CLVS1: variants seen among roughly 807,000 people sequenced by gnomAD.
CLVS1 encodes the protein clavesin-1.
CLVS1 carries 10 observed loss-of-function variants against 33.1 expected under a neutral mutation model. The observed-to-expected ratio is 0.30, with a 90% CI of 0.19 to 0.51. The LOEUF (loss-of-function observed/expected upper bound fraction) is 0.51. CLVS1 is among the 20% of genes least tolerant of loss of function. CLVS1 has a pLI of 0.97. For missense variants in CLVS1, 343 were observed against 433.4 expected, an observed-to-expected ratio of 0.79 and a Z score of 1.85; for synonymous variants, 163 against 166.1, an observed-to-expected ratio of 0.98 and a Z score of 0.14.
the CLVS1 span, among the ~76,000 whole-genome samples, chr8:61,051,886 A>G: frequency 6.6e-6 from 1 of 151,744 alleles, no homozygotes; most frequent in Non-Finnish European, 1.5e-5. Flanking sequence ...GCCCCATCCC[A>G]CTCCCAGAAT....
chr8:61,211,122 T>G (rs1807962373), intron 2 of CLVS1, among the ~76,000 whole-genome samples: 1 of 152,132 alleles, frequency 6.6e-6, no homozygotes, highest in Non-Finnish European at 1.5e-5. Context: ...GTGGCCAATG[T>G]ACGAATCGTG....
intron 2 of CLVS1, among the ~76,000 whole-genome samples, chr8:61,153,389 C>T (rs566126636): frequency 1.3e-5 from 2 of 152,222 alleles, no homozygotes; most frequent in South Asian, 4.2e-4. Context: ...GATGGTGTGC[C>T]AAATGCTTGC....
chr8:60,977,867 T>C, the CLVS1 span, among the ~76,000 whole-genome samples: 9 of 152,184 alleles, frequency 5.9e-5, no homozygotes, highest in Non-Finnish European at 1.2e-4. Context: ...CACATTATAG[T>C]CAAATTCTTG....
intron 2 of CLVS1, chr8:61,300,705 C>T (rs1425096002): frequency 6.3e-6 from 1 of 158,442 alleles, no homozygotes; most frequent in African/African-American, 2.4e-5. Flanking sequence ...TCTATTTCTC[C>T]TGAGTGCCAG....
At chr8:61,232,723 C>T (rs1348629899) in intron 2 of CLVS1, among the ~76,000 whole-genome samples, 1 of 152,172 alleles carries the variant, frequency 6.6e-6, no homozygotes, top group African/African-American at 2.4e-5. Flanking sequence ...ATATCCTCTG[C>T]CTTGGACTTT....
At chr8:61,395,304 G>C (rs1233240941) in intron 3 of CLVS1, among the ~76,000 whole-genome samples, 1 of 152,168 alleles carries the variant, frequency 6.6e-6, no homozygotes, top group Non-Finnish European at 1.5e-5. Context: ...CTGGGGGAGA[G>C]GGGGAGGAAT....
intron 2 of CLVS1, among the ~76,000 whole-genome samples, chr8:61,345,334 T>C (rs991892670): frequency 6.6e-6 from 1 of 152,190 alleles, no homozygotes; most frequent in African/African-American, 2.4e-5. Context: ...CACATTTACT[T>C]TTTTATTTTC....
chr8:61,045,185 A>G, the CLVS1 span, among the ~76,000 whole-genome samples: 11 of 152,214 alleles, frequency 7.2e-5, no homozygotes, highest in Non-Finnish European at 1.3e-4. Context: ...AAAAGCTAAG[A>G]TCCTGAAGCT....
chr8:61,454,236 C>T lies in CLVS1; in HGVS notation c.726C>T (p.Asp242=), dbSNP rs1219762010. Residue 242 remains aspartate, a synonymous_variant, in exon 4 of 6, where the codon GAC becomes GAT. Coordinates refer to ENST00000325897, the MANE Select transcript of CLVS1 (RefSeq NM_173519.3). ...CACTCATCAAGCCATTTCTTAAAGA[C>T]AAGACCAGGAAACGGGTAATGAAAA... ...LYTLIKPFLK[D]KTRKRIFLHG... is the part of the protein sequence containing the mutation. 6 of 1,613,288 alleles carry T rather than the reference C, an allele frequency of 3.7e-6. No homozygotes were observed. The highest frequency in any genetic ancestry group is 5.1e-6 in the Non-Finnish European group (6 of 1,179,220).
At chr8:61,292,612 A>G (rs1337840626) in intron 1 of CLVS1, among the ~76,000 whole-genome samples, 1 of 152,198 alleles carries the variant, frequency 6.6e-6, no homozygotes, top group Admixed American at 6.6e-5. Flanking sequence ...TAGGAAGCAC[A>G]ACTAATCTGT....
chr8:61,259,062 C>T (rs1223977724), intron 2 of CLVS1, among the ~76,000 whole-genome samples: 2 of 152,174 alleles, frequency 1.3e-5, no homozygotes, highest in African/African-American at 2.4e-5. Flanking sequence ...CAAACTACCA[C>T]AGTATTGTAG....
At chr8:61,314,822 C>T (rs1731841374) in intron 2 of CLVS1, among the ~76,000 whole-genome samples, 1 of 152,172 alleles carries the variant, frequency 6.6e-6, no homozygotes, top group South Asian at 2.1e-4. Context: ...TGTTAATGAG[C>T]CTGCTTTGAA....
In CLVS1 at chr8:61,067,554, G is replaced by C. The variant is rs193261879; in HGVS notation, c.-243+10324G>C. ...GAGCACAAGCAAAAAATCCACAATA[G>C]TTCAAACTATTTTTTAAAAAGCTAA... On this transcript the variant is annotated intron_variant, in intron 1 of 2. Transcript: ENST00000522621. 5.0e-3 allele frequency among the ~76,000 whole-genome samples: 763 copies of C among 151,622 alleles called. 9 individuals carry two copies. Among genetic ancestry groups the C allele is most frequent in the African/African-American group, 0.017 (714 of 41,392 alleles).
At chr8:61,438,649 G>A (rs1427127740) in intron 3 of CLVS1, among the ~76,000 whole-genome samples, 1 of 152,068 alleles carries the variant, frequency 6.6e-6, no homozygotes, top group Non-Finnish European at 1.5e-5. Context: ...CCACCAACTG[G>A]GTAAAAGCGT....
In CLVS1 at chr8:61,458,532, C is replaced by A. The variant is rs1313156763; in HGVS notation, c.967C>A (p.Leu323Met). 6.2e-7 allele frequency: 1 copy of A among 1,604,516 alleles called. No homozygotes were observed. Among genetic ancestry groups the A allele is most frequent in the Admixed American group, 1.7e-5 (1 of 59,144 alleles). The change falls in exon 5 of 6, where the codon CTG becomes ATG. Residue 323 changes from leucine (L) to methionine (M), a missense_variant. By Grantham distance (15) the Leu-to-Met change is conservative (BLOSUM62 2). Transcript: ENST00000325897. ...SNLERECSPKLMKRSQSVVEA... is the reference protein window; with the variant it reads ...SNLERECSPKMMKRSQSVVEA... ...TCTGGAGAGAGAATGCTCACCCAAG[C>A]TGATGAAAAGGTAAGGCCTGGGTTA...
intron 2 of CLVS1, among the ~76,000 whole-genome samples, chr8:61,251,462 T>C (rs2978499): frequency 0.34 from 52,011 of 152,076 alleles, 9,358 homozygotes; most frequent in Admixed American, 0.39. Context: ...GTTTTTCTAT[T>C]GTTTGGAATA....
the CLVS1 span, among the ~76,000 whole-genome samples, chr8:61,044,917 T>A: frequency 6.6e-6 from 1 of 152,186 alleles, no homozygotes; most frequent in Non-Finnish European, 1.5e-5. Flanking sequence ...GGTCCTAAAG[T>A]GTGATCTTTG....
intron 3 of CLVS1, among the ~76,000 whole-genome samples, chr8:61,452,508 C>T (rs985480367): frequency 3.9e-5 from 6 of 152,004 alleles, no homozygotes; most frequent in South Asian, 4.1e-4. Flanking sequence ...TAGTGAATAG[C>T]GCTTATTATA....
intron 2 of CLVS1, among the ~76,000 whole-genome samples, chr8:61,156,271 C>G (rs865821548): frequency 7.0e-4 from 104 of 149,364 alleles, no homozygotes; most frequent in African/African-American, 2.4e-3. Context: ...CCTCCCATCA[C>G]CTGGGTCTCC....
Sources: allele counts gnomAD v4.1 joint callset (sites outside exome capture counted in the v4.1 genomes callset), GRCh38; gene constraint gnomAD v4.1.1; transcripts MANE v1.5; gene names NCBI Gene and HGNC (gene_info 2026-07-23, HGNC 2026-07-21).